The following WFDC5 variants were observed in gnomAD, a reference collection of about 807,000 sequenced individuals.
WFDC5 encodes the protein WAP four-disulfide core domain 5.
Under a neutral mutation model 15.7 loss-of-function variants are expected in WFDC5, and 15 were observed. That is an observed-to-expected ratio of 0.96 (90% CI 0.64 to 1.47). The LOEUF is 1.47. WFDC5 is among the 40% of genes most tolerant of loss of function. The probability of loss-of-function intolerance (pLI) is 0.00; values close to 1 mark genes in which losing one functional copy is unlikely to be tolerated. For missense variants in WFDC5, 280 were observed against 258.0 expected (o/e 1.09, Z -0.59); for synonymous variants, 109 against 107.7 (o/e 1.01, Z -0.07).
chr20:45,110,936 G>A (rs1023527783), intron 1 of WFDC5, among the ~76,000 whole-genome samples, 161 bp from the exon 2 acceptor site: 1 of 152,204 alleles, frequency 6.6e-6, no homozygotes, highest in Non-Finnish European at 1.5e-5. Context: ...ATGACTCCAA[G>A]CCTCAGTTTT....
chr20:45,115,095 C>T (rs200540832), exon 1 of WFDC5: 45 of 1,610,960 alleles, frequency 2.8e-5, no homozygotes, highest in East Asian at 2.0e-4. Flanking sequence ...TTTCTGCTGC[C>T]GGCTCAGGGC....
Position 45,110,503 on chromosome 20 carries a change from G to A in WFDC5, c.264C>T (p.Cys88=), listed in dbSNP as rs752505579. The A allele has an allele frequency of 1.9e-6, 3 of 1,614,212 alleles. No individual in the cohort carries two copies. In the South Asian group the frequency reaches 3.3e-5, roughly 18 times the overall value. Reference sequence around the variant, plus strand: ...GACACAGGTGGTTCATGGGGCTGAGGCAGCGCAGTTGGTCCTCTGGGCAGC... The same window carrying A: ...GACACAGGTGGTTCATGGGGCTGAGACAGCGCAGTTGGTCCTCTGGGCAGC... The change falls in exon 3 of 4, where the codon TGC becomes TGT. Residue 88 remains cysteine, a synonymous_variant. Coordinates refer to ENST00000307971, the Ensembl canonical transcript of WFDC5.
chr20:45,112,714 C>G (rs1464949507), intron 1 of WFDC5, among the ~76,000 whole-genome samples: 1 of 152,164 alleles, frequency 6.6e-6, no homozygotes, highest in Non-Finnish European at 1.5e-5. Context: ...ACATTTAGAT[C>G]TAGACACACA....
At chr20:45,113,162 C>T (rs16985369) in intron 1 of WFDC5, among the ~76,000 whole-genome samples, 2,835 of 152,308 alleles carry the variant, frequency 0.019, 45 homozygotes, top group African/African-American at 0.05. Context: ...TTATCAGGGA[C>T]TATGCCAGGC....
intron 1 of WFDC5, 25 bp downstream of exon 1, chr20:45,114,974 C>CG: frequency 6.2e-7 from 1 of 1,611,090 alleles, no homozygotes; most frequent in Non-Finnish European, 8.5e-7. Flanking sequence ...CTGGTCCCCC[C>CG]AGCAGAGGGA....
chr20:45,111,943 G>A (rs1981632237), intron 1 of WFDC5, among the ~76,000 whole-genome samples: 1 of 152,090 alleles, frequency 6.6e-6, no homozygotes, highest in Non-Finnish European at 1.5e-5. Flanking sequence ...GAGTTCCGAG[G>A]GGCAGCTGGA....
At chr20:45,115,062 G>A in exon 1 of WFDC5, 2 of 1,613,412 alleles carry the variant, frequency 1.2e-6, no homozygotes, top group South Asian at 1.1e-5. Context: ...GCCCCCAGGA[G>A]GAGAAGGCTC....
exon 4 of WFDC5, chr20:45,109,864 G>T: frequency 8.4e-7 from 1 of 1,184,524 alleles, no homozygotes; most frequent in Non-Finnish European, 1.3e-6. Context: ...GCAGGGAAGT[G>T]TCAGCAGGCC....
Position 45,115,049 on chromosome 20 carries a change from A to T in WFDC5, c.35T>A (p.Leu12His). 12 of 1,613,578 alleles carry T rather than the reference A, an allele frequency of 7.4e-6. No individual in the cohort carries two copies. The highest frequency in any genetic ancestry group is 1.0e-5 in the Non-Finnish European group (12 of 1,179,896). The change falls in exon 1 of 4, where the codon CTC becomes CAC. Residue 12 changes from leucine (L) to histidine (H), a missense_variant. By Grantham distance (99) the Leu-to-His change is moderately conservative (BLOSUM62 -3). Coordinates refer to ENST00000307971, the Ensembl canonical transcript of WFDC5. ...AGGCAGCTGACTCCCCACAGCCAGG[A>T]GGGCCCCCAGGAGGAGAAGGCTCTG...
intron 1 of WFDC5, among the ~76,000 whole-genome samples, chr20:45,112,323 A>T (rs937126250): frequency 3.3e-5 from 5 of 152,186 alleles, no homozygotes; most frequent in Admixed American, 2.6e-4. Context: ...TCAGGCAGGG[A>T]GAGCTTCTGT....
intron 1 of WFDC5, among the ~76,000 whole-genome samples, chr20:45,111,412 T>C (rs138324486): frequency 1.7e-3 from 264 of 152,106 alleles, no homozygotes; most frequent in African/African-American, 6.2e-3. Flanking sequence ...TTGCTCACCG[T>C]TGGTCCATAT....
At chr20:45,111,354 G>C (rs1981616846) in intron 1 of WFDC5, among the ~76,000 whole-genome samples, 1 of 137,170 alleles carries the variant, frequency 7.3e-6, no homozygotes, top group Admixed American at 8.7e-5. Context: ...CTGTTTGTCT[G>C]TGTCTCTCAC....
intron 1 of WFDC5, among the ~76,000 whole-genome samples, chr20:45,113,991 C>A (rs532932038): frequency 4.2e-4 from 64 of 152,274 alleles, no homozygotes; most frequent in African/African-American, 1.5e-3. Flanking sequence ...CCACATTTGG[C>A]ACTAACTCAG....
chr20:45,115,716 G>A (rs1308209896), upstream of WFDC5, among the ~76,000 whole-genome samples: 1 of 152,162 alleles, frequency 6.6e-6, no homozygotes, highest in Non-Finnish European at 1.5e-5. Context: ...GGGCTGGCTT[G>A]GCTGTTGAGG....
chr20:45,110,613 A>T, intron 2 of WFDC5, 22 bp downstream of exon 2: 6 of 1,613,992 alleles, frequency 3.7e-6, no homozygotes, highest in Non-Finnish European at 5.1e-6. Context: ...GATGGTCAGC[A>T]AGGTGGAGGG....
chr20:45,111,604 A>C (rs2145525810), intron 1 of WFDC5, among the ~76,000 whole-genome samples: 1 of 152,338 alleles, frequency 6.6e-6, no homozygotes, highest in East Asian at 1.9e-4. Flanking sequence ...TTCGAGGATC[A>C]GGCGTTAACT....
At chr20:45,114,304 T>C (rs1981697574) in intron 1 of WFDC5, among the ~76,000 whole-genome samples, 1 of 151,552 alleles carries the variant, frequency 6.6e-6, no homozygotes, top group Non-Finnish European at 1.5e-5. Flanking sequence ...AGATCAGGAG[T>C]CACCTGTCTA....
At position 45,110,016 on chromosome 20, in the gene WFDC5, G is replaced by A. The variant is rs761968613; in HGVS notation, c.394-3C>T. 1 of 1,611,614 alleles carries A rather than the reference G, an allele frequency of 6.2e-7. No homozygotes were observed. The highest frequency in any genetic ancestry group is 8.5e-7 in the Non-Finnish European group (1 of 1,177,852). On this transcript the variant is annotated splice_region_variant and splice_polypyrimidine_tract_variant and intron_variant, in intron 3 of 3. Coordinates refer to ENST00000307971, the Ensembl canonical transcript of WFDC5. Reference sequence around the variant, plus strand: ...ACAGATCCTAAATCAGAATTAGCCTGAGGAGGGAGAAAGAAAGGGTTAATT... The same window carrying A: ...ACAGATCCTAAATCAGAATTAGCCTAAGGAGGGAGAAAGAAAGGGTTAATT...
In WFDC5 at chr20:45,112,943, C is replaced by T. The variant is rs578180151; in HGVS notation, c.85+2056G>A. ...ATCACTGTCATTTACACATGCCTACCCACATAGATACATACACACAGATAG... is the reference window on the plus strand; with the variant it reads ...ATCACTGTCATTTACACATGCCTACTCACATAGATACATACACACAGATAG... On this transcript the variant is annotated intron_variant, in intron 1 of 3. Transcript: ENST00000307971. Among the ~76,000 whole-genome samples, 3 of 152,012 alleles carry T rather than the reference C, an allele frequency of 2.0e-5. No individual in the cohort carries two copies. The South Asian group carries it at 6.2e-4, about 31-fold the overall frequency.
Sources: gnomAD v4.1 joint callset for allele counts (sites outside exome capture counted in the v4.1 genomes callset) on GRCh38, gnomAD v4.1.1 for gene constraint, MANE v1.5 for transcripts, NCBI Gene and HGNC (gene_info 2026-07-23, HGNC 2026-07-21) for gene names.